Variants in SPG11 observed in about 807,000 individuals in gnomAD.
The protein encoded by SPG11 is SPG11 vesicle trafficking associated, spatacsin, also known as spatacsin.
In SPG11, 222 loss-of-function variants were observed where a neutral mutation model predicts 274.0. That is an observed-to-expected ratio of 0.81 (90% confidence interval 0.73 to 0.91). The LOEUF (loss-of-function observed/expected upper bound fraction) is 0.91. Among genes scored for constraint, SPG11 ranks in the 40% least tolerant of loss-of-function variants. SPG11 has a pLI of 0.00. For missense variants in SPG11, 3,114 were observed against 2,872.7 expected (o/e 1.08, Z -1.92); for synonymous variants, 1,144 against 1,039.7 (o/e 1.10, Z -1.93).
At chr15:44,651,410 A>T in intron 6 of SPG11, 81 bp downstream of exon 6, 2 of 1,205,384 alleles carry the variant, frequency 1.7e-6, no homozygotes, top group Non-Finnish European at 1.2e-6. Flanking sequence ...AGGCAAGAGC[A>T]GGCACTGAGG....
intron 26 of SPG11, among the ~76,000 whole-genome samples, chr15:44,594,358 G>A (rs193057487): frequency 0.011 from 1,642 of 151,830 alleles, 34 homozygotes; most frequent in African/African-American, 0.038. Context: ...CTCGGGAGGC[G>A]GAGGTTGCAG....
rs1567124896 is a variant in SPG11, at chr15:44,564,668, C to T, written c.7030G>A (p.Val2344Ile). ...ASIVAEAYDF[V>I]PDWAEILYQQ... is the part of the protein sequence containing the mutation. Reference sequence around the variant, plus strand: ...TATAAAATTTCAGCCCAATCTGGAACAAAATCGTAGGCCTCAGCCACAATA... The same window carrying T: ...TATAAAATTTCAGCCCAATCTGGAATAAAATCGTAGGCCTCAGCCACAATA... The change falls in exon 39 of 40, where the codon GTT becomes ATT. Residue 2344 changes from valine to isoleucine, a missense_variant. Coordinates refer to ENST00000261866, the MANE Select transcript of SPG11 (RefSeq NM_025137.4). 6.2e-7 allele frequency: 1 copy of T among 1,614,124 alleles called. No homozygotes were observed. The highest frequency in any genetic ancestry group is 2.2e-5 in the East Asian group (1 of 44,874).
At chr15:44,661,811 A>C (rs1032998835) in intron 1 of SPG11, among the ~76,000 whole-genome samples, 8 of 152,230 alleles carry the variant, frequency 5.3e-5, no homozygotes, top group Non-Finnish European at 7.3e-5. Context: ...TTTCAACAAT[A>C]TTAAAAAGAC....
chr15:44,566,955 G>A (rs1377363422), intron 36 of SPG11, among the ~76,000 whole-genome samples: 3 of 151,928 alleles, frequency 2.0e-5, no homozygotes, highest in African/African-American at 7.2e-5. Flanking sequence ...CACCTACCTT[G>A]GCCTCCCAAA....
intron 8 of SPG11, among the ~76,000 whole-genome samples, chr15:44,631,501 T>C (rs970010762): frequency 6.6e-6 from 1 of 152,130 alleles, no homozygotes. Context: ...TCTAGTGAGC[T>C]GAGCAGAAGG....
chr15:44,595,983 T>G (rs1178659674), intron 25 of SPG11, 100 bp downstream of exon 25: 2 of 1,488,306 alleles, frequency 1.3e-6, no homozygotes, highest in Non-Finnish European at 9.3e-7. Context: ...GGAACCTCAC[T>G]GTCATCATCA....
chr15:44,584,553 T>C lies in SPG11; in HGVS notation c.5127A>G (p.Thr1709=), dbSNP rs1393655599. 2 of 1,608,840 alleles carry C rather than the reference T, an allele frequency of 1.2e-6. No homozygotes were observed. Among genetic ancestry groups the C allele is most frequent in the Admixed American group, 3.3e-5 (2 of 60,022 alleles). Reference sequence around the variant, plus strand: ...TGTGTTTTAGGGTCTGCATTTCCTGTGTTATCTGTGAAATTTAACAAAGCA... The same window carrying C: ...TGTGTTTTAGGGTCTGCATTTCCTGCGTTATCTGTGAAATTTAACAAAGCA... ...PVDNLVIKEI[T]QEMQTLKHIE... is the part of the protein sequence containing the mutation. The change falls in exon 30 of 40, where the codon ACA becomes ACG. Residue 1709 remains threonine (T), a synonymous_variant. Coordinates refer to ENST00000261866, the MANE Select transcript of SPG11 (RefSeq NM_025137.4).
chr15:44,563,330 A>AAGAT (rs2082235051), intron 39 of SPG11, 29 bp from the exon 40 acceptor site: 1 of 1,597,256 alleles, frequency 6.3e-7, no homozygotes, highest in East Asian at 2.2e-5. Context: ...TGTACAGGTT[A>AAGAT]AGATACTGTT....
At chr15:44,644,211 T>C (rs183110565) in intron 7 of SPG11, among the ~76,000 whole-genome samples, 1 of 150,726 alleles carries the variant, frequency 6.6e-6, no homozygotes, top group Non-Finnish European at 1.5e-5. Flanking sequence ...GTGAACTGAA[T>C]CCAGCAATAC....
chr15:44,594,164 G>A (rs57290234), intron 26 of SPG11, among the ~76,000 whole-genome samples: 2 of 151,482 alleles, frequency 1.3e-5, no homozygotes, highest in Non-Finnish European at 1.5e-5. Context: ...GGTGGCTCAC[G>A]CCTGTAAATC....
chr15:44,564,052 G>T (rs2082257129), intron 39 of SPG11, among the ~76,000 whole-genome samples: 1 of 152,066 alleles, frequency 6.6e-6, no homozygotes, highest in Non-Finnish European at 1.5e-5. Context: ...GGAGTATAGT[G>T]GCACGATCTC....
At chr15:44,565,715 T>C in intron 38 of SPG11, 139 bp downstream of exon 38, 2 of 1,064,674 alleles carry the variant, frequency 1.9e-6, no homozygotes, top group Non-Finnish European at 1.4e-6. Context: ...CCGTTCTATG[T>C]TGGTATCAGA....
At chr15:44,606,691 A>G (rs887136292) in intron 19 of SPG11, among the ~76,000 whole-genome samples, 2 of 152,214 alleles carry the variant, frequency 1.3e-5, no homozygotes, top group Admixed American at 1.3e-4. Context: ...AAATACAGGA[A>G]AAAAACAGAA....
In SPG11 at chr15:44,604,117, T is replaced by C. The variant is rs530439799; in HGVS notation, c.3520+1908A>G. On this transcript the variant is annotated intron_variant, in intron 20 of 39. Coordinates refer to ENST00000261866, the MANE Select transcript of SPG11 (RefSeq NM_025137.4). ...GAAAACAGTGTACCTGCTCTTGTTTTCAAAGTTCAAAGCTTATTTCTGAAA... is the reference window on the plus strand; with the variant it reads ...GAAAACAGTGTACCTGCTCTTGTTTCCAAAGTTCAAAGCTTATTTCTGAAA... 256 of 441,864 alleles carry C rather than the reference T, an allele frequency of 5.8e-4. 1 individual carries two copies. The highest frequency in any genetic ancestry group is 8.6e-4 in the Non-Finnish European group (192 of 222,154). The allele number at this position is 441,864 out of a possible 1,614,324, so 27.4% of individuals were successfully genotyped here. A position where few individuals can be genotyped will look rare whatever the true frequency, so the allele number is the denominator to read the frequency against.
chr15:44,572,919 AGCTCTCC>A, intron 32 of SPG11, 99 bp from the exon 33 acceptor site: 1 of 1,217,968 alleles, frequency 8.2e-7, no homozygotes, highest in East Asian at 2.4e-5. Flanking sequence ...GGAGCTCTGC[AGCTCTCC>A]GCTTGCTGAG....
intron 27 of SPG11, among the ~76,000 whole-genome samples, chr15:44,591,360 C>T (rs1282368221): frequency 2.0e-5 from 3 of 152,298 alleles, no homozygotes; most frequent in African/African-American, 4.8e-5. Flanking sequence ...AAAAATATTT[C>T]TCTTCTTGAT....
chr15:44,649,922 C>T (rs2084717252), intron 6 of SPG11, among the ~76,000 whole-genome samples: 1 of 151,170 alleles, frequency 6.6e-6, no homozygotes, highest in Non-Finnish European at 1.5e-5. Flanking sequence ...CTAAACCCCA[C>T]ATTTCTACTT....
At chr15:44,602,971 A>T (rs898817301) in intron 20 of SPG11, among the ~76,000 whole-genome samples, 1 of 152,096 alleles carries the variant, frequency 6.6e-6, no homozygotes, top group Non-Finnish European at 1.5e-5. Flanking sequence ...AAAGGTCATT[A>T]TGCAATAAAA....
chr15:44,582,365 T>C (rs1031002694), intron 30 of SPG11, among the ~76,000 whole-genome samples: 5 of 152,080 alleles, frequency 3.3e-5, no homozygotes, highest in Admixed American at 2.6e-4. Flanking sequence ...CTGGCCAATA[T>C]AGTGGAACCC....
Sources: allele counts gnomAD v4.1 joint callset (sites outside exome capture counted in the v4.1 genomes callset), GRCh38; gene constraint gnomAD v4.1.1; transcripts MANE v1.5; gene names NCBI Gene and HGNC (gene_info 2026-07-23, HGNC 2026-07-21).